ANXA4: variants seen among roughly 807,000 people sequenced by gnomAD.
ANXA4 encodes annexin A4, also known as 35-beta calcimedin.
ANXA4 carries 39 observed loss-of-function variants against 49.8 expected under a neutral mutation model. That is an observed-to-expected ratio of 0.78 (90% CI 0.61 to 1.02). The LOEUF (loss-of-function observed/expected upper bound fraction) is 1.02. ANXA4 is among the 50% of genes least tolerant of loss of function. The pLI, the probability that ANXA4 is intolerant of heterozygous loss-of-function variation, is 0.00. For synonymous variants in ANXA4, 134 were observed against 152.5 expected, an observed-to-expected ratio of 0.88 and a Z score of 0.89; for missense variants, 360 against 410.1, an observed-to-expected ratio of 0.88 and a Z score of 1.05.
chr2:69,813,756 CTCTTTTTTTTTTT>C (rs1259888961), intron 8 of ANXA4, among the ~76,000 whole-genome samples: 1 of 84,658 alleles, frequency 1.2e-5, no homozygotes, highest in Non-Finnish European at 2.7e-5. Flanking sequence ...CTCTCTCTCT[CTCTTTTTTTTTTT>C]TTTTTTTTGA....
chr2:69,717,149 G>A (rs1287616234), intron 2 of ANXA4, among the ~76,000 whole-genome samples: 1 of 152,190 alleles, frequency 6.6e-6, no homozygotes, highest in Non-Finnish European at 1.5e-5. Context: ...GGGTGCAGGA[G>A]GTGGCTGAAG....
chr2:69,776,546 C>G (rs564739668), intron 1 of ANXA4, among the ~76,000 whole-genome samples: 1 of 147,008 alleles, frequency 6.8e-6, no homozygotes, highest in South Asian at 2.2e-4. Context: ...CATCAAGCAT[C>G]AAGCAGTTCT....
At chr2:69,737,503 C>T (rs569177037), upstream of ANXA4, among the ~76,000 whole-genome samples, 4 of 152,146 alleles carry the variant, frequency 2.6e-5, no homozygotes, top group South Asian at 6.2e-4. Context: ...CTAACTTTAT[C>T]TTCTTAACAT....
chr2:69,812,542 C>A, intron 7 of ANXA4, 111 bp from the exon 8 acceptor site: 1 of 852,424 alleles, frequency 1.2e-6, no homozygotes, highest in Non-Finnish European at 1.8e-6. Context: ...GTCTGAAGCT[C>A]CAATTCTTGT....
intron 1 of ANXA4, among the ~76,000 whole-genome samples, chr2:69,753,607 G>T (rs1459292002): frequency 6.6e-6 from 1 of 152,196 alleles, no homozygotes; most frequent in East Asian, 1.9e-4. Flanking sequence ...GGCTGACTCT[G>T]TCTTTTTAGC....
intron 1 of ANXA4, among the ~76,000 whole-genome samples, chr2:69,749,941 G>C (rs1166418374): frequency 6.7e-6 from 1 of 150,092 alleles, no homozygotes; most frequent in Non-Finnish European, 1.5e-5. Context: ...AAAAGAAAAA[G>C]ATGGAGGCTG....
chr2:69,653,017 A>T (rs1288395673), exon 2 of ANXA4: 1 of 152,194 alleles, frequency 6.6e-6, no homozygotes, highest in Admixed American at 6.5e-5. Context: ...TCTTAGTTGG[A>T]TGCCCCTGTG....
At chr2:69,820,650 A>G in intron 11 of ANXA4, 49 bp from the exon 12 acceptor site, 2 of 1,606,924 alleles carry the variant, frequency 1.2e-6, no homozygotes, top group Non-Finnish European at 1.7e-6. Context: ...GAAGACACTG[A>G]AAAACAGCTA....
At chr2:69,743,876 C>T (rs1017805021) in intron 1 of ANXA4, among the ~76,000 whole-genome samples, 2 of 152,230 alleles carry the variant, frequency 1.3e-5, no homozygotes, top group African/African-American at 2.4e-5. Flanking sequence ...CCATGTACCA[C>T]TCCAGGCCTT....
chr2:69,668,698 G>A (rs996208078), intron 2 of ANXA4, among the ~76,000 whole-genome samples: 5 of 152,070 alleles, frequency 3.3e-5, no homozygotes, highest in African/African-American at 1.2e-4. Flanking sequence ...TCTGCATGTG[G>A]AAATTCATTG....
chr2:69,776,882 A>T (rs1671980022), intron 1 of ANXA4, among the ~76,000 whole-genome samples: 1 of 152,212 alleles, frequency 6.6e-6, no homozygotes, highest in Non-Finnish European at 1.5e-5. Context: ...GATCAGTCCC[A>T]CAGTCCTCCA....
At chr2:69,717,590 AC>A (rs1669678449) in intron 2 of ANXA4, among the ~76,000 whole-genome samples, 1 of 152,106 alleles carries the variant, frequency 6.6e-6, no homozygotes, top group South Asian at 2.1e-4. Context: ...TTCTGGAATT[AC>A]CCGTCGCTGC....
intron 1 of ANXA4, among the ~76,000 whole-genome samples, chr2:69,764,788 C>T (rs577959964): frequency 1.0e-3 from 154 of 152,294 alleles, no homozygotes; most frequent in Non-Finnish European, 1.5e-3. Context: ...CACCACCATC[C>T]ATTCACAGAA....
At position 69,691,847 on chromosome 2, in the gene ANXA4, G is replaced by GA. The variant is rs528416761; in HGVS notation, n.767-28926dup. ...TGGCATCTGTCTTGAAGGGAAGGGG[G>GA]ATTGGTTACTATTCAGTAACTTCAG... On this transcript the variant is annotated intron_variant and non_coding_transcript_variant, in intron 2 of 3. Transcript: ENST00000418066. 2.6e-4 allele frequency among the ~76,000 whole-genome samples: 40 copies of GA among 152,274 alleles called. No homozygotes were observed. In the East Asian group the frequency reaches 7.3e-3, roughly 28 times the overall value.
intron 3 of ANXA4, among the ~76,000 whole-genome samples, chr2:69,732,483 G>A (rs1025722792): frequency 1.3e-5 from 2 of 151,698 alleles, no homozygotes; most frequent in African/African-American, 4.8e-5. Flanking sequence ...TGTTGGCTGG[G>A]CGTGGTGGCT....
At chr2:69,786,648 A>T (rs1045817012) in intron 2 of ANXA4, among the ~76,000 whole-genome samples, 32 of 152,192 alleles carry the variant, frequency 2.1e-4, no homozygotes, top group Admixed American at 2.6e-4. Flanking sequence ...AAACATATAC[A>T]AAAGTAAACA....
At chr2:69,751,192 C>CTATATCCTATGCTTTACCACTCTGTGTA (rs1553438387) in intron 1 of ANXA4, among the ~76,000 whole-genome samples, 1 of 74,554 alleles carries the variant, frequency 1.3e-5, no homozygotes. Flanking sequence ...CAGTATGACT[C>CTATATCCTATGCTTTACCACTCTGTGTA]TATATCCTAT....
intron 2 of ANXA4, among the ~76,000 whole-genome samples, chr2:69,719,539 G>A (rs1243166642): frequency 6.0e-5 from 9 of 151,258 alleles, no homozygotes; most frequent in African/African-American, 1.9e-4. Flanking sequence ...TCCCGGGTTT[G>A]AGTGATTCTT....
intron 3 of ANXA4, among the ~76,000 whole-genome samples, chr2:69,734,380 G>C (rs13420511): frequency 0.48 from 73,364 of 152,134 alleles, 18,211 homozygotes; most frequent in East Asian, 0.7. Context: ...ATCATGGAAA[G>C]AATTTAGATT....
Sources: allele counts gnomAD v4.1 joint callset (sites outside exome capture counted in the v4.1 genomes callset), GRCh38; gene constraint gnomAD v4.1.1; transcripts MANE v1.5; gene names NCBI Gene and HGNC (gene_info 2026-07-23, HGNC 2026-07-21).